The following FAR1 variants were observed in gnomAD, a reference collection of about 807,000 sequenced individuals.
FAR1 encodes male sterility domain-containing protein 2.
Under a neutral mutation model 61.1 loss-of-function variants are expected in FAR1, and 22 were observed. That is an observed-to-expected ratio of 0.36 (90% CI 0.26 to 0.51). FAR1 has a LOEUF of 0.51. Ranked by LOEUF, FAR1 falls within the 20% of genes least tolerant of loss-of-function variation. The pLI is 0.95. For missense variants in FAR1, 359 were observed against 626.9 expected (o/e 0.57, Z 4.56); for synonymous variants, 206 against 209.7 (o/e 0.98, Z 0.15).
chr11:13,688,276 T>C (rs1036557144), intron 1 of FAR1, among the ~76,000 whole-genome samples: 4 of 151,922 alleles, frequency 2.6e-5, no homozygotes, highest in Admixed American at 6.6e-5. Context: ...ATTGTGTAAG[T>C]CATTATAGTA....
chr11:13,723,197 C>A (rs1274438248), intron 10 of FAR1, among the ~76,000 whole-genome samples: 3 of 151,578 alleles, frequency 2.0e-5, no homozygotes, highest in Non-Finnish European at 4.4e-5. Context: ...AGACCCATCT[C>A]CACAAAAATA....
intron 1 of FAR1, among the ~76,000 whole-genome samples, chr11:13,687,881 T>C (rs112374628): frequency 1.2e-3 from 163 of 135,434 alleles, no homozygotes; most frequent in Non-Finnish European, 2.0e-3. Flanking sequence ...CATGCTCTCA[T>C]AGGTGGGAAT....
At chr11:13,710,566 A>G in intron 4 of FAR1, 127 bp from the exon 5 acceptor site, 1 of 742,880 alleles carries the variant, frequency 1.3e-6, no homozygotes, top group Non-Finnish European at 2.0e-6. Context: ...TCCATTTTTC[A>G]GTAAAAGTTG....
chr11:13,683,663 A>G (rs924025034), intron 1 of FAR1, among the ~76,000 whole-genome samples: 1 of 152,084 alleles, frequency 6.6e-6, no homozygotes, highest in African/African-American at 2.4e-5. Context: ...CACAGGTGTG[A>G]ACAACTGTGC....
intron 1 of FAR1, among the ~76,000 whole-genome samples, chr11:13,689,873 C>CTTT (rs71041539): frequency 1.1e-4 from 13 of 118,518 alleles, no homozygotes; most frequent in Middle Eastern, 4.3e-3. Flanking sequence ...TCATTTCGAT[C>CTTT]TTTTTTTTTT....
intron 8 of FAR1, among the ~76,000 whole-genome samples, chr11:13,713,960 T>C (rs1848529330): frequency 6.6e-6 from 1 of 152,120 alleles, no homozygotes; most frequent in Non-Finnish European, 1.5e-5. Flanking sequence ...TATATTTTAG[T>C]GACTATCTCA....
rs1379595355 is a variant in FAR1, at chr11:13,731,046, C to A, written c.*2272C>A. 1 of 152,120 alleles carries A rather than the reference C, an allele frequency of 6.6e-6. No homozygotes were observed. Among genetic ancestry groups the A allele is most frequent in the Non-Finnish European group, 1.5e-5 (1 of 67,998 alleles). The allele number at this position is 152,120 out of a possible 1,614,324, so 9.4% of individuals were successfully genotyped here. A position where few individuals can be genotyped will look rare whatever the true frequency, so the allele number is the denominator to read the frequency against. ...TTTCCTACACAAACTTCTTATTTAA[C>A]AGGATAGCCTACTAAATTAAATGTT... is the stretch of plus-strand genomic sequence containing the variant. On this transcript the variant is annotated 3_prime_UTR_variant, in exon 12 of 12. Coordinates refer to ENST00000354817, the MANE Select transcript of FAR1 (RefSeq NM_032228.6).
At chr11:13,696,823 A>T (rs1321715461) in intron 2 of FAR1, among the ~76,000 whole-genome samples, 1 of 152,170 alleles carries the variant, frequency 6.6e-6, no homozygotes, top group Non-Finnish European at 1.5e-5. Context: ...TAAAGTTAGT[A>T]AGAAATTTTA....
chr11:13,718,125 T>C (rs1461011959), intron 9 of FAR1, among the ~76,000 whole-genome samples: 3 of 152,212 alleles, frequency 2.0e-5, no homozygotes, highest in Non-Finnish European at 4.4e-5. Context: ...TAAGAGTTTC[T>C]GTTACACATT....
intron 2 of FAR1, among the ~76,000 whole-genome samples, chr11:13,696,922 G>T (rs949423092): frequency 3.9e-5 from 6 of 152,176 alleles, no homozygotes; most frequent in African/African-American, 1.4e-4. Flanking sequence ...TTATAGCAGG[G>T]TTTCTCAGCT....
chr11:13,720,827 G>C (rs1848603126), intron 9 of FAR1: 1 of 151,810 alleles, frequency 6.6e-6, no homozygotes, highest in South Asian at 2.1e-4. Context: ...CAGAAGTGGG[G>C]ATTTTTTTGG....
At chr11:13,712,868 C>A in intron 7 of FAR1, 98 bp from the exon 8 acceptor site, 1 of 776,450 alleles carries the variant, frequency 1.3e-6, no homozygotes, top group Non-Finnish European at 2.1e-6. Flanking sequence ...AGAAAAGGTG[C>A]CCATCATCCT....
intron 4 of FAR1, among the ~76,000 whole-genome samples, chr11:13,708,447 G>GCGCGCGCACACA (rs139902063): frequency 1.8e-4 from 25 of 136,728 alleles, no homozygotes; most frequent in African/African-American, 5.2e-4. Context: ...GCGCGCGCGC[G>GCGCGCGCACACA]CACACACACA....
At chr11:13,674,530 A>T (rs1364202168) in intron 1 of FAR1, among the ~76,000 whole-genome samples, 1 of 152,144 alleles carries the variant, frequency 6.6e-6, no homozygotes, top group Non-Finnish European at 1.5e-5. Context: ...AATTAAAAAC[A>T]TAGATGCCCT....
intron 10 of FAR1, among the ~76,000 whole-genome samples, chr11:13,722,646 G>C (rs1848623431): frequency 6.6e-6 from 1 of 151,574 alleles, no homozygotes; most frequent in Admixed American, 6.6e-5. Context: ...GCTAATTTTT[G>C]TATTTTTAGT....
intron 2 of FAR1, among the ~76,000 whole-genome samples, chr11:13,697,983 T>C (rs1454505995): frequency 1.3e-5 from 2 of 152,136 alleles, no homozygotes; most frequent in Non-Finnish European, 2.9e-5. Context: ...TGTGTCCTTA[T>C]TATTGCTGTT....
chr11:13,689,871 A>G (rs1203699466), intron 1 of FAR1, among the ~76,000 whole-genome samples: 2 of 128,878 alleles, frequency 1.6e-5, no homozygotes, highest in African/African-American at 5.8e-5. Flanking sequence ...TGTCATTTCG[A>G]TCTTTTTTTT....
chr11:13,729,026 GA>G lies in FAR1; in HGVS notation c.*255del. 1 of 331,602 alleles carries G rather than the reference GA, an allele frequency of 3.0e-6. No homozygotes were observed. Among genetic ancestry groups the G allele is most frequent in the Non-Finnish European group, 5.7e-6 (1 of 176,018 alleles). The allele number at this position is 331,602 out of a possible 1,614,324, so 20.5% of individuals were successfully genotyped here. A position where few individuals can be genotyped will look rare whatever the true frequency, so the allele number is the denominator to read the frequency against. On this transcript the variant is annotated 3_prime_UTR_variant, in exon 12 of 12. Transcript: ENST00000354817. ...TGACTTAATATTTTGAGCCCTAGAAGAAAGGGGTGTGCTGAGGACAAGAGTG... is the reference window on the plus strand; with the variant it reads ...TGACTTAATATTTTGAGCCCTAGAAGAAGGGGTGTGCTGAGGACAAGAGTG...
chr11:13,670,947 G>C (rs1209200230), intron 1 of FAR1, among the ~76,000 whole-genome samples: 1 of 152,202 alleles, frequency 6.6e-6, no homozygotes, highest in Non-Finnish European at 1.5e-5. Context: ...AAGAGTTATA[G>C]AGTCAAGGAC....
Sources: gnomAD v4.1 joint callset for allele counts (sites outside exome capture counted in the v4.1 genomes callset) on GRCh38, gnomAD v4.1.1 for gene constraint, MANE v1.5 for transcripts, NCBI Gene and HGNC (gene_info 2026-07-23, HGNC 2026-07-21) for gene names.